DNAH9: variants seen among roughly 807,000 people sequenced by gnomAD.
DNAH9 encodes dynein axonemal heavy chain 9.
DNAH9 carries 345 observed loss-of-function variants against 471.6 expected under a neutral mutation model. The ratio of observed to expected loss-of-function variants is 0.73; its 90% CI spans 0.67 to 0.80. The LOEUF (loss-of-function observed/expected upper bound fraction) is 0.80. Among genes scored for constraint, DNAH9 ranks in the 30% least tolerant of loss-of-function variants. The pLI is 0.00. For synonymous variants in DNAH9, 2,093 were observed against 2,123.6 expected (o/e 0.99, Z 0.40); for missense variants, 5,407 against 5,609.2 (o/e 0.96, Z 1.15).
At chr17:11,714,811 GC>G (rs1294319022) in intron 26 of DNAH9, among the ~76,000 whole-genome samples, 1 of 152,160 alleles carries the variant, frequency 6.6e-6, no homozygotes, top group Non-Finnish European at 1.5e-5. Flanking sequence ...TGGCAGAACA[GC>G]CTCTAGGAGC....
intron 67 of DNAH9, among the ~76,000 whole-genome samples, chr17:11,955,597 T>C (rs1975600458): frequency 1.3e-5 from 2 of 152,330 alleles, no homozygotes; most frequent in South Asian, 4.1e-4. Context: ...CATATGATTG[T>C]ATTAATACAT....
intron 40 of DNAH9, 141 bp downstream of exon 40, chr17:11,783,889 C>G (rs1321341758): frequency 1.5e-6 from 1 of 679,034 alleles, no homozygotes; most frequent in Non-Finnish European, 2.5e-6. Context: ...AATTGCATCT[C>G]TAGGGGAAAA....
intron 48 of DNAH9, among the ~76,000 whole-genome samples, chr17:11,824,562 T>C (rs762560401): frequency 6.6e-6 from 1 of 152,204 alleles, no homozygotes; most frequent in Non-Finnish European, 1.5e-5. Context: ...TTCATCCTGT[T>C]GGCTTTTTTC....
intron 28 of DNAH9, among the ~76,000 whole-genome samples, chr17:11,730,336 T>C (rs2075236762): frequency 6.6e-6 from 1 of 152,076 alleles, no homozygotes; most frequent in Non-Finnish European, 1.5e-5. Flanking sequence ...ATCAAGGGCG[T>C]TTTTGCTCTC....
At chr17:11,693,731 G>A (rs2074378100) in intron 20 of DNAH9, 137 bp from the exon 21 acceptor site, 1 of 924,526 alleles carries the variant, frequency 1.1e-6, no homozygotes, top group Non-Finnish European at 1.7e-6. Context: ...CTTAAACTAA[G>A]GGTGTTTCCT....
At chr17:11,775,770 A>G (rs917141928) in intron 38 of DNAH9, among the ~76,000 whole-genome samples, 4 of 151,786 alleles carry the variant, frequency 2.6e-5, no homozygotes, top group Non-Finnish European at 4.4e-5. Context: ...ATGCCCGGCT[A>G]ATTTTTTGTA....
intron 22 of DNAH9, 149 bp downstream of exon 22, chr17:11,694,596 T>C: frequency 1.8e-6 from 1 of 545,696 alleles, no homozygotes; most frequent in Non-Finnish European, 3.0e-6. Context: ...ATCACATACC[T>C]CGGAGCTTTC....
At chr17:11,741,942 T>C (rs553042520) in intron 29 of DNAH9, among the ~76,000 whole-genome samples, 38 of 152,228 alleles carry the variant, frequency 2.5e-4, no homozygotes, top group Non-Finnish European at 4.9e-4. Context: ...GGCGACTTCA[T>C]TTCCTTTATC....
In DNAH9 at chr17:11,757,551, T is replaced by C. The variant is rs1380648434; in HGVS notation, c.6854T>C (p.Leu2285Ser). The C allele has an allele frequency of 6.2e-7, 1 of 1,613,214 alleles. No homozygotes were observed. The highest frequency in any genetic ancestry group is 8.5e-7 in the Non-Finnish European group (1 of 1,179,264). ...GTATTCTCTGTGCTCACAGGGATCT[T>C]GTACATCAACCCGGCAGACTTGGGA... ...TPATVSRAGI[L>S]YINPADLGWN... is the part of the protein sequence containing the mutation. Residue 2285 changes from leucine (L) to serine (S), a missense_variant, in exon 35 of 69, where the codon TTG (leucine) becomes TCG (serine). Physicochemically the swap from Leu to Ser is moderately radical, Grantham distance 145 (BLOSUM62 -2). This residue lies in a region of DNAH9 where 4,636 missense variants were observed against 4,900.3 expected (regional missense o/e 0.95). Coordinates refer to ENST00000262442, the MANE Select transcript of DNAH9 (RefSeq NM_001372.4).
Position 11,705,113 on chromosome 17 carries a change from A to T in DNAH9, c.5480A>T (p.Asp1827Val). Residue 1827 changes from aspartate (D) to valine (V), a missense_variant, in exon 26 of 69, where the codon GAT (aspartate) becomes GTT (valine). By Grantham distance (152) the Asp-to-Val change is radical. Around this residue, in one of 3 missense-constraint regions of DNAH9, gnomAD observed 4,636 missense variants for 4,900.3 expected, o/e 0.95. Transcript: ENST00000262442. ...EVKHCFANIC[D>V]AQFLYSYEYL... ...AAACACTGCTTTGCCAACATCTGTGATGCCCAGTTTTTGTATTCCTATGAG... is the reference window on the plus strand; with the variant it reads ...AAACACTGCTTTGCCAACATCTGTGTTGCCCAGTTTTTGTATTCCTATGAG... 1 of 1,614,112 alleles carries T rather than the reference A, an allele frequency of 6.2e-7. No individual in the cohort carries two copies. Among genetic ancestry groups the T allele is most frequent in the South Asian group, 1.1e-5 (1 of 91,084 alleles).
intron 1 of DNAH9, among the ~76,000 whole-genome samples, chr17:11,604,659 C>T (rs984827828): frequency 6.6e-6 from 1 of 152,188 alleles, no homozygotes; most frequent in Non-Finnish European, 1.5e-5. Context: ...CCATTCTTCC[C>T]GTTGTTCAAG....
At chr17:11,628,502 A>G (rs1480209384) in intron 6 of DNAH9, among the ~76,000 whole-genome samples, 3 of 152,230 alleles carry the variant, frequency 2.0e-5, no homozygotes, top group Non-Finnish European at 4.4e-5. Flanking sequence ...GAAGAAGTGC[A>G]GCACAGAGCT....
intron 1 of DNAH9, among the ~76,000 whole-genome samples, chr17:11,606,033 A>C (rs1243085973): frequency 6.6e-6 from 1 of 152,174 alleles, no homozygotes; most frequent in East Asian, 1.9e-4. Flanking sequence ...ATTCCAGTTC[A>C]TCCTCTTTCC....
chr17:11,735,094 T>G (rs549685121), intron 28 of DNAH9, among the ~76,000 whole-genome samples: 2 of 152,324 alleles, frequency 1.3e-5, no homozygotes, highest in South Asian at 4.1e-4. Flanking sequence ...GGACACGTGG[T>G]GTGGGATGGA....
chr17:11,742,353 A>C, intron 30 of DNAH9, 40 bp downstream of exon 30: 2 of 1,600,306 alleles, frequency 1.2e-6, no homozygotes, highest in Non-Finnish European at 1.7e-6. Context: ...AGCACCGTGC[A>C]ACAGCCCCAG....
At chr17:11,964,699 A>G (rs752314782) in intron 68 of DNAH9, among the ~76,000 whole-genome samples, 2 of 152,194 alleles carry the variant, frequency 1.3e-5, no homozygotes, top group South Asian at 2.1e-4. Context: ...AGAACAGTCT[A>G]TGGCCTTTTA....
At chr17:11,946,663 C>CAAAAAAAAA (rs754149437) in intron 67 of DNAH9, among the ~76,000 whole-genome samples, 4 of 67,902 alleles carry the variant, frequency 5.9e-5, no homozygotes, top group Admixed American at 1.9e-4. Context: ...GACTCCATCT[C>CAAAAAAAAA]AAAAAAAAAA....
At position 11,694,355 on chromosome 17, in the gene DNAH9, C is replaced by T. The variant is rs746665674; in HGVS notation, c.4780C>T (p.Leu1594Phe). ...GTGTGAGAAGGCCCTGGCAGAGTAC[C>T]TCGACACCAAGAGGCTTGCCTTCCC... ...CLCEKALAEY[L>F]DTKRLAFPRF... Residue 1594 changes from leucine to phenylalanine, a missense_variant, in exon 22 of 69, where the codon CTC becomes TTC. Leu to Phe is a conservative substitution (Grantham distance 22). This residue lies in a region of DNAH9 where 4,636 missense variants were observed against 4,900.3 expected (regional missense o/e 0.95). Coordinates refer to ENST00000262442, the MANE Select transcript of DNAH9 (RefSeq NM_001372.4). 8 of 1,613,866 alleles carry T rather than the reference C, an allele frequency of 5.0e-6. No homozygotes were observed. Among genetic ancestry groups the T allele is most frequent in the Non-Finnish European group, 6.8e-6 (8 of 1,179,974 alleles).
intron 49 of DNAH9, among the ~76,000 whole-genome samples, chr17:11,841,060 AC>A (rs1202005356): frequency 1.3e-5 from 2 of 152,224 alleles, no homozygotes; most frequent in African/African-American, 4.8e-5. Context: ...AGCTGTTCTT[AC>A]AGTTCTGAAC....
Sources: gnomAD v4.1 joint callset for allele counts (sites outside exome capture counted in the v4.1 genomes callset) on GRCh38, gnomAD v4.1.1 for gene constraint, gnomAD v4.1.1 regional missense constraint, MANE v1.5 for transcripts, NCBI Gene and HGNC (gene_info 2026-07-23, HGNC 2026-07-21) for gene names.